The following BBX variants were observed in gnomAD, a reference collection of about 807,000 sequenced individuals.
The protein encoded by BBX is BBX high mobility group box domain containing.
BBX carries 30 observed loss-of-function variants against 100.2 expected under a neutral mutation model. The ratio of observed to expected loss-of-function variants is 0.30; its 90% CI spans 0.22 to 0.41. The LOEUF is 0.41. Among genes scored for constraint, BBX ranks in the 10% least tolerant of loss-of-function variants. BBX has a pLI of 1.00. For synonymous variants in BBX, 376 were observed against 388.1 expected, an observed-to-expected ratio of 0.97 and a Z score of 0.37; for missense variants, 1,023 against 1,129.8, an observed-to-expected ratio of 0.91 and a Z score of 1.35.
chr3:107,768,848 A>G (rs1378004135), intron 10 of BBX, among the ~76,000 whole-genome samples: 1 of 151,034 alleles, frequency 6.6e-6, no homozygotes, highest in Non-Finnish European at 1.5e-5. Context: ...ACATAATCTT[A>G]GAAAGATATT....
chr3:107,749,664 G>A (rs189069561), intron 9 of BBX, among the ~76,000 whole-genome samples: 45 of 144,788 alleles, frequency 3.1e-4, no homozygotes, highest in African/African-American at 9.2e-4. Flanking sequence ...ATGGAGTTTC[G>A]CCCTCATTAC....
At chr3:107,804,678 T>C (rs1210804458) in intron 17 of BBX, among the ~76,000 whole-genome samples, 1 of 152,314 alleles carries the variant, frequency 6.6e-6, no homozygotes, top group East Asian at 1.9e-4. Context: ...TCTCCCTCCA[T>C]GTGTATTGAT....
chr3:107,629,992 A>C (rs1220492367), intron 2 of BBX, among the ~76,000 whole-genome samples: 1 of 152,148 alleles, frequency 6.6e-6, no homozygotes, highest in Non-Finnish European at 1.5e-5. Context: ...ATTCAATATT[A>C]CCTGTGACCG....
intron 3 of BBX, among the ~76,000 whole-genome samples, chr3:107,650,308 G>A (rs2057765440): frequency 6.6e-6 from 1 of 152,046 alleles, no homozygotes; most frequent in Admixed American, 6.5e-5. Flanking sequence ...CTGCATATAT[G>A]AGGGATCTAG....
At chr3:107,747,885 G>A in intron 8 of BBX, 80 bp from the exon 9 acceptor site, 4 of 1,232,236 alleles carry the variant, frequency 3.2e-6, no homozygotes, top group Non-Finnish European at 4.7e-6. Context: ...AGTGTCTACA[G>A]TTGAAAATAT....
chr3:107,631,762 C>T (rs779714885), intron 2 of BBX, among the ~76,000 whole-genome samples: 2 of 152,210 alleles, frequency 1.3e-5, no homozygotes, highest in East Asian at 3.9e-4. Context: ...TCTTTAACTT[C>T]TCTGCAGTTG....
chr3:107,532,091 G>A (rs961307976), intron 2 of BBX, among the ~76,000 whole-genome samples: 1 of 152,036 alleles, frequency 6.6e-6, no homozygotes, highest in African/African-American at 2.4e-5. Context: ...GCTACTCGGA[G>A]GCTGAGGTGG....
At chr3:107,751,534 A>AT in intron 9 of BBX, among the ~76,000 whole-genome samples, 2 of 151,894 alleles carry the variant, frequency 1.3e-5, no homozygotes, top group South Asian at 4.2e-4. Context: ...GTTTGTTTTG[A>AT]TTTTTTTTCA....
At chr3:107,728,163 G>A (rs2063089703) in intron 5 of BBX, among the ~76,000 whole-genome samples, 1 of 152,158 alleles carries the variant, frequency 6.6e-6, no homozygotes, top group Admixed American at 6.6e-5. Context: ...ATTCAGTTAT[G>A]TATGCTCATT....
intron 2 of BBX, among the ~76,000 whole-genome samples, chr3:107,628,973 AAAG>A (rs1459086463): frequency 1.3e-5 from 2 of 152,118 alleles, no homozygotes; most frequent in East Asian, 3.9e-4. Flanking sequence ...TTTCCACTTG[AAAG>A]AAGTGTTTTG....
At chr3:107,722,884 C>G (rs2062642127) in intron 5 of BBX, among the ~76,000 whole-genome samples, 1 of 151,942 alleles carries the variant, frequency 6.6e-6, no homozygotes, top group Admixed American at 6.6e-5. Context: ...ATTAGTACCA[C>G]TTATCAGATA....
intron 5 of BBX, among the ~76,000 whole-genome samples, chr3:107,725,578 T>A (rs1305758480): frequency 6.6e-6 from 1 of 152,108 alleles, no homozygotes; most frequent in Admixed American, 6.6e-5. Context: ...GAATATTGTC[T>A]TTTGTCACAT....
chr3:107,645,718 TTGGC>T (rs1327041535), intron 2 of BBX, 114 bp from the exon 3 acceptor site: 1 of 152,516 alleles, frequency 6.6e-6, no homozygotes, highest in Non-Finnish European at 1.5e-5. Flanking sequence ...TGTTGATTGT[TTGGC>T]TGGTAATTCA....
At chr3:107,776,233 A>G (rs1402832254) in intron 12 of BBX, 1 of 152,150 alleles carries the variant, frequency 6.6e-6, no homozygotes, top group Non-Finnish European at 1.5e-5. Context: ...CAACAGAAGC[A>G]TTTCTCTGAT....
chr3:107,785,295 A>G (rs1474886183), intron 13 of BBX, among the ~76,000 whole-genome samples: 1 of 151,930 alleles, frequency 6.6e-6, no homozygotes, highest in East Asian at 1.9e-4. Flanking sequence ...AGAAAAGTAA[A>G]CACTTCCCAA....
At chr3:107,695,280 G>A (rs1281419724) in intron 3 of BBX, among the ~76,000 whole-genome samples, 1 of 100,224 alleles carries the variant, frequency 1.0e-5, no homozygotes, top group Non-Finnish European at 1.9e-5. Flanking sequence ...TCTTTTAATT[G>A]TGATGTTAGG....
At chr3:107,583,670 G>A (rs1444919289) in intron 2 of BBX, among the ~76,000 whole-genome samples, 1 of 150,744 alleles carries the variant, frequency 6.6e-6, no homozygotes, top group African/African-American at 2.4e-5. Context: ...GTATTAGAAA[G>A]TATTCCTCTA....
chr3:107,773,363 A>G lies in BBX; in HGVS notation c.1642A>G (p.Lys548Glu), dbSNP rs768873581. 3.1e-6 allele frequency: 5 copies of G among 1,614,004 alleles called. No individual in the cohort carries two copies. The highest frequency in any genetic ancestry group is 4.2e-6 in the Non-Finnish European group (5 of 1,180,004). Residue 548 changes from lysine to glutamate, a missense_variant, in exon 11 of 18, where the codon AAA becomes GAA. Transcript: ENST00000325805. This position sits in a 1 kb window ranked among gnomAD's most constrained non-coding sequence, Gnocchi z 4.1. ...AAAGGAGAAATCCTCAGACACCACC[A>G]AAGAGTCAAGACCTCCAGATTTCAT... ...MSKEKSSDTTKESRPPDFISI... is the reference protein window; with the variant it reads ...MSKEKSSDTTEESRPPDFISI...
At chr3:107,642,874 TTGAATTAGGGGTATGTA>T (rs1486933945) in intron 2 of BBX, among the ~76,000 whole-genome samples, 1 of 152,072 alleles carries the variant, frequency 6.6e-6, no homozygotes. Context: ...TTGAGCTTGA[TTGAATTAGGGGTATGTA>T]TGAAAATGAG....
Sources: allele counts gnomAD v4.1 joint callset (sites outside exome capture counted in the v4.1 genomes callset), GRCh38; gene constraint gnomAD v4.1.1; non-coding constraint Gnocchi (gnomAD v3.1); transcripts MANE v1.5; gene names NCBI Gene and HGNC (gene_info 2026-07-23, HGNC 2026-07-21).